The following PREX2 variants were observed in gnomAD, a reference collection of about 807,000 sequenced individuals.
The protein encoded by PREX2 is phosphatidylinositol-3,4,5-trisphosphate dependent Rac exchange factor 2, also known as phosphatidylinositol 3,4,5-trisphosphate-dependent Rac exchanger 2 protein.
In PREX2, 107 loss-of-function variants were observed where a neutral mutation model predicts 203.2. That is an observed-to-expected ratio of 0.53 (90% confidence interval 0.45 to 0.62). PREX2 has a LOEUF of 0.62. PREX2 is among the 20% of genes least tolerant of loss of function. PREX2 has a pLI of 0.00. For synonymous variants in PREX2, 672 were observed against 663.6 expected (o/e 1.01, Z -0.19); for missense variants, 1,777 against 1,955.9 (o/e 0.91, Z 1.72).
At chr8:68,031,359 T>A (rs1354320709) in intron 6 of PREX2, among the ~76,000 whole-genome samples, 1 of 152,180 alleles carries the variant, frequency 6.6e-6, no homozygotes, top group Non-Finnish European at 1.5e-5. Context: ...TTGGACTAGG[T>A]TAAATTTTTT....
chr8:68,156,653 G>A (rs989953674), intron 34 of PREX2, among the ~76,000 whole-genome samples: 1 of 152,130 alleles, frequency 6.6e-6, no homozygotes, highest in African/African-American at 2.4e-5. Context: ...AAGGAATAGT[G>A]ACTAAATCTG....
chr8:68,182,102 G>C (rs922496469), intron 35 of PREX2, among the ~76,000 whole-genome samples: 2 of 152,036 alleles, frequency 1.3e-5, no homozygotes, highest in African/African-American at 4.8e-5. Context: ...GTGACTTACT[G>C]TACTTAAGGA....
chr8:68,049,828 G>A (rs1379732934), intron 8 of PREX2, among the ~76,000 whole-genome samples: 1 of 151,998 alleles, frequency 6.6e-6, no homozygotes, highest in African/African-American at 2.4e-5. Context: ...TTTAGTGAGG[G>A]TGTTCTTTAG....
chr8:68,022,373 C>A (rs569762542), intron 4 of PREX2, among the ~76,000 whole-genome samples: 2 of 152,086 alleles, frequency 1.3e-5, no homozygotes, highest in African/African-American at 4.8e-5. Flanking sequence ...CTGTGAGACC[C>A]CACAGGTTCC....
In PREX2 at chr8:67,990,437, T is replaced by C. The variant is rs1415745910; in HGVS notation, c.142-27409T>C. ...AGGTCAACTCCAATGGATTCTGATT[T>C]ACATGGTCTTGGATAGGGCCTGGGA... On this transcript the variant is annotated intron_variant, in intron 1 of 39. Transcript: ENST00000288368. 3.3e-5 allele frequency among the ~76,000 whole-genome samples: 5 copies of C among 151,374 alleles called. No homozygotes were observed. In the East Asian group the frequency reaches 9.7e-4, roughly 29 times the overall value.
At chr8:67,990,459 G>T (rs141657441) in intron 1 of PREX2, among the ~76,000 whole-genome samples, 1,540 of 150,314 alleles carry the variant, frequency 0.01, 24 homozygotes, top group African/African-American at 0.035. Flanking sequence ...GATAGGGCCT[G>T]GGAATCATTT....
intron 25 of PREX2, among the ~76,000 whole-genome samples, chr8:68,111,814 G>T (rs1345090018): frequency 6.6e-6 from 1 of 152,082 alleles, no homozygotes; most frequent in Non-Finnish European, 1.5e-5. Flanking sequence ...TGCAGTCGAG[G>T]TTAACACATT....
intron 14 of PREX2, among the ~76,000 whole-genome samples, chr8:68,076,194 C>T (rs560560968): frequency 3.3e-5 from 5 of 152,150 alleles, no homozygotes; most frequent in Admixed American, 6.5e-5. Flanking sequence ...CAGTGGTTCA[C>T]GCCTGTAATC....
chr8:68,021,203 A>G (rs539041735), intron 3 of PREX2, among the ~76,000 whole-genome samples: 1 of 152,238 alleles, frequency 6.6e-6, no homozygotes, highest in East Asian at 1.9e-4. Context: ...TGACAGCTCT[A>G]ACTGTTAGAA....
chr8:68,102,794 A>C, intron 23 of PREX2: 1 of 517,116 alleles, frequency 1.9e-6, no homozygotes, highest in South Asian at 1.4e-5. Context: ...CTGCAATTAT[A>C]ATAGATTTCC....
chr8:68,075,368 T>C (rs1809316438), intron 14 of PREX2, among the ~76,000 whole-genome samples: 1 of 152,218 alleles, frequency 6.6e-6, no homozygotes, highest in South Asian at 2.1e-4. Context: ...GATGATAGAA[T>C]ACACAAACAA....
chr8:68,213,758 G>C (rs1051960013), intron 37 of PREX2, among the ~76,000 whole-genome samples: 1 of 152,080 alleles, frequency 6.6e-6, no homozygotes, highest in Non-Finnish European at 1.5e-5. Context: ...AAACATTTCT[G>C]TATAACTTTG....
chr8:68,075,996 A>G (rs1450216682), intron 14 of PREX2, among the ~76,000 whole-genome samples: 1 of 152,208 alleles, frequency 6.6e-6, no homozygotes, highest in African/African-American at 2.4e-5. Flanking sequence ...CAGGGAGGCC[A>G]AGTTGCCTAC....
In PREX2 at chr8:68,017,892, A is replaced by G. The variant is rs139905707; in HGVS notation, c.188A>G (p.Lys63Arg). The G allele has an allele frequency of 6.1e-4, 987 of 1,612,770 alleles. No homozygotes were observed. The highest frequency in any genetic ancestry group is 7.4e-4 in the Non-Finnish European group (878 of 1,179,134). ...CAGTGTGCAGCATCAAAAGTTGACA[A>G]AAATGTGACAGAAGAAACAGTGAAG... ...MNQCAASKVD[K>R]NVTEETVKML... Residue 63 changes from lysine (K) to arginine (R), a missense_variant, in exon 2 of 40, where the codon AAA becomes AGA. Physicochemically the swap from Lys to Arg is conservative, Grantham distance 26. Transcript: ENST00000288368.
At chr8:68,088,140 C>A (rs762982422) in intron 19 of PREX2, among the ~76,000 whole-genome samples, 19 of 152,066 alleles carry the variant, frequency 1.2e-4, no homozygotes, top group Non-Finnish European at 2.4e-4. Context: ...TGTCAGTAAT[C>A]CAAAGTTGTG....
intron 37 of PREX2, among the ~76,000 whole-genome samples, chr8:68,216,692 G>A (rs188063385): frequency 5.3e-5 from 8 of 152,100 alleles, no homozygotes; most frequent in Admixed American, 3.9e-4. Context: ...AAGAACAGCC[G>A]GGCACAGTGT....
At chr8:68,115,480 T>G (rs777902902) in intron 25 of PREX2, among the ~76,000 whole-genome samples, 4 of 152,352 alleles carry the variant, frequency 2.6e-5, no homozygotes, top group South Asian at 4.1e-4. Context: ...CAAACAAAAC[T>G]ATCACAGCTT....
chr8:68,111,452 C>T (rs776271286), intron 25 of PREX2, among the ~76,000 whole-genome samples: 1 of 151,794 alleles, frequency 6.6e-6, no homozygotes, highest in Non-Finnish European at 1.5e-5. Flanking sequence ...ATATGTAAAC[C>T]CAAGGAGCTC....
intron 8 of PREX2, among the ~76,000 whole-genome samples, chr8:68,051,677 T>C (rs1808530893): frequency 6.6e-6 from 1 of 152,158 alleles, no homozygotes. Context: ...AATTATGAAG[T>C]TCTCTTACTT....
Sources: gnomAD v4.1 joint callset for allele counts (sites outside exome capture counted in the v4.1 genomes callset) on GRCh38, gnomAD v4.1.1 for gene constraint, MANE v1.5 for transcripts, NCBI Gene and HGNC (gene_info 2026-07-23, HGNC 2026-07-21) for gene names.